DGKH: variants seen among roughly 807,000 people sequenced by gnomAD.
The protein encoded by DGKH is DAG kinase eta.
Under a neutral mutation model 159.3 loss-of-function variants are expected in DGKH, and 90 were observed. The ratio of observed to expected loss-of-function variants is 0.57; its 90% CI spans 0.48 to 0.67. The LOEUF (loss-of-function observed/expected upper bound fraction) is 0.67, where lower values mean the gene tolerates loss of function less well. Ranked by LOEUF, DGKH falls within the 30% of genes least tolerant of loss-of-function variation. The pLI is 0.00. For synonymous variants in DGKH, 536 were observed against 553.8 expected (o/e 0.97, Z 0.45); for missense variants, 1,181 against 1,506.1 (o/e 0.78, Z 3.57).
At chr13:42,108,105 A>T (rs1385321303) in intron 1 of DGKH, among the ~76,000 whole-genome samples, 1 of 152,134 alleles carries the variant, frequency 6.6e-6, no homozygotes, top group Non-Finnish European at 1.5e-5. Flanking sequence ...TAGTGTTGTG[A>T]CAGGCAGGTG....
At chr13:42,162,944 G>A (rs1364696256) in intron 7 of DGKH, among the ~76,000 whole-genome samples, 1 of 150,694 alleles carries the variant, frequency 6.6e-6, no homozygotes, top group African/African-American at 2.5e-5. Flanking sequence ...CATGTGCCAT[G>A]CTAGTGTGCT....
chr13:42,211,273 A>G (rs1480400004), intron 24 of DGKH, among the ~76,000 whole-genome samples: 1 of 152,206 alleles, frequency 6.6e-6, no homozygotes, highest in Non-Finnish European at 1.5e-5. Flanking sequence ...GAATGGGGCT[A>G]ATAAGAGCTG....
rs1958515782 is a variant in DGKH at position 42,241,627 on chromosome 13, G to C, written c.*12439G>C. ...ACACACACCAAAATATATAAGAGCT[G>C]TGCATGGTAAACCCACAGTAGAAGG... is the stretch of plus-strand genomic sequence containing the variant. On this transcript the variant is annotated 3_prime_UTR_variant, in exon 30 of 30. Transcript: ENST00000337343. The C allele has an allele frequency of 6.6e-6, 1 of 152,166 alleles. No individual in the cohort carries two copies. The allele number at this position is 152,166 out of a possible 1,614,324, so 9.4% of individuals were successfully genotyped here.
Position 42,105,288 on chromosome 13 carries a change from C to T in DGKH, c.193-22175C>T, listed in dbSNP as rs187223395. 1.8e-4 allele frequency among the ~76,000 whole-genome samples: 27 copies of T among 152,090 alleles called. No homozygotes were observed. In the East Asian group the frequency reaches 4.3e-3, roughly 24 times the overall value. On this transcript the variant is annotated intron_variant, in intron 1 of 29. Transcript: ENST00000337343. ...GAGAGAGGAAATGAGAGCAAGTGCA[C>T]GAGGGGGTTAAACTCGTCCTTTTAC...
chr13:42,226,462 A>G (rs1008386935), intron 29 of DGKH, among the ~76,000 whole-genome samples: 1 of 152,228 alleles, frequency 6.6e-6, no homozygotes, highest in African/African-American at 2.4e-5. Flanking sequence ...ACCCACAGGA[A>G]TATAAATCAT....
chr13:42,209,012 T>C lies in DGKH; in HGVS notation c.2655T>C (p.Phe885=), dbSNP rs200850482. 4.3e-6 allele frequency: 7 copies of C among 1,613,264 alleles called. 1 individual carries two copies. Among genetic ancestry groups the C allele is most frequent in the Middle Eastern group, 3.3e-4 (2 of 6,052 alleles). ...AGATCCTGGAAGTTGTAGCAATATT[T>C]GATAGCATGCAAATGGCAGTTTCAA... is the stretch of plus-strand genomic sequence containing the variant. ...DDKILEVVAI[F]DSMQMAVSRV... The change falls in exon 22 of 30, where the codon TTT becomes TTC. Residue 885 remains phenylalanine (F), a synonymous_variant. Transcript: ENST00000337343.
chr13:42,235,243 T>C lies in DGKH; in HGVS notation c.*6055T>C, dbSNP rs1958390094. On this transcript the variant is annotated 3_prime_UTR_variant, in exon 30 of 30. Coordinates refer to ENST00000337343, the MANE Select transcript of DGKH (RefSeq NM_178009.5). ...ACTAAGATACTCTATTTACATTATTTATATACTCTCTTAGTTTTTTATGCA... is the reference window on the plus strand; with the variant it reads ...ACTAAGATACTCTATTTACATTATTCATATACTCTCTTAGTTTTTTATGCA... 6.6e-6 allele frequency: 1 copy of C among 152,200 alleles called. No homozygotes were observed. Among genetic ancestry groups the C allele is most frequent in the South Asian group, 2.1e-4 (1 of 4,834 alleles). The allele number at this position is 152,200 out of a possible 1,614,324, so 9.4% of individuals were successfully genotyped here.
chr13:42,195,990 A>T (rs995127607), intron 17 of DGKH: 1 of 152,352 alleles, frequency 6.6e-6, no homozygotes, highest in African/African-American at 2.4e-5. Context: ...ATGAGAAAGG[A>T]ATCTAAATAG....
intron 11 of DGKH, among the ~76,000 whole-genome samples, chr13:42,171,218 A>G (rs1411865404): frequency 6.6e-6 from 1 of 152,206 alleles, no homozygotes; most frequent in Non-Finnish European, 1.5e-5. Flanking sequence ...TGCCATCTCC[A>G]TTTTACTGGT....
At chr13:42,175,594 T>G (rs1299413121) in intron 12 of DGKH, among the ~76,000 whole-genome samples, 1 of 152,236 alleles carries the variant, frequency 6.6e-6, no homozygotes, top group Non-Finnish European at 1.5e-5. Context: ...TTTACTTTTA[T>G]CACGTGTATA....
intron 12 of DGKH, among the ~76,000 whole-genome samples, chr13:42,176,538 G>C (rs1282282609): frequency 6.7e-6 from 1 of 149,182 alleles, no homozygotes; most frequent in African/African-American, 2.4e-5. Context: ...CTTTGAAGGA[G>C]AATGTAGAAA....
At chr13:42,176,196 T>C (rs544961104) in intron 12 of DGKH, among the ~76,000 whole-genome samples, 3 of 152,314 alleles carry the variant, frequency 2.0e-5, no homozygotes, top group South Asian at 4.1e-4. Context: ...AAGTTTCAAA[T>C]GGCATTAATC....
At chr13:42,113,074 C>T (rs1335833757) in intron 1 of DGKH, among the ~76,000 whole-genome samples, 1 of 152,146 alleles carries the variant, frequency 6.6e-6, no homozygotes, top group Non-Finnish European at 1.5e-5. Flanking sequence ...AGTGAGCATG[C>T]TCAGTCATTA....
intron 1 of DGKH, among the ~76,000 whole-genome samples, chr13:42,083,260 C>A (rs1290699725): frequency 6.6e-6 from 1 of 152,162 alleles, no homozygotes; most frequent in Non-Finnish European, 1.5e-5. Flanking sequence ...GAGAGATTTG[C>A]TTCGTGCTTC....
intron 1 of DGKH, among the ~76,000 whole-genome samples, chr13:42,074,865 T>G (rs151094668): frequency 6.6e-6 from 1 of 152,292 alleles, no homozygotes; most frequent in East Asian, 1.9e-4. Flanking sequence ...AGCAAAACAG[T>G]TTTTGGAAAA....
intron 1 of DGKH, chr13:42,069,576 C>T (rs1361219621): frequency 3.2e-6 from 5 of 1,585,194 alleles, no homozygotes; most frequent in African/African-American, 2.7e-5. Flanking sequence ...CTTCCTCTAG[C>T]GCTATCTGGG....
intron 13 of DGKH, among the ~76,000 whole-genome samples, chr13:42,183,488 T>A (rs1566167488): frequency 6.6e-6 from 1 of 152,218 alleles, no homozygotes; most frequent in Non-Finnish European, 1.5e-5. Context: ...TCCCTTTTTT[T>A]GTGAATGTTA....
intron 3 of DGKH, among the ~76,000 whole-genome samples, chr13:42,151,535 A>ATATATATACACATG (rs1566134627): frequency 7.5e-6 from 1 of 133,926 alleles, no homozygotes; most frequent in Non-Finnish European, 1.6e-5. Flanking sequence ...ACACGTGTAT[A>ATATATATACACATG]TATATATATA....
chr13:42,106,779 C>T (rs375675311), intron 1 of DGKH, among the ~76,000 whole-genome samples: 10 of 152,174 alleles, frequency 6.6e-5, no homozygotes, highest in African/African-American at 2.2e-4. Context: ...CGCGGTGGCT[C>T]ATGCCTGTAA....
Sources: gnomAD v4.1 joint callset for allele counts (sites outside exome capture counted in the v4.1 genomes callset) on GRCh38, gnomAD v4.1.1 for gene constraint, MANE v1.5 for transcripts, NCBI Gene and HGNC (gene_info 2026-07-23, HGNC 2026-07-21) for gene names.